Variants in EPC1 observed in about 807,000 individuals in gnomAD.
EPC1 encodes the protein enhancer of polycomb 1.
A neutral mutation model predicts 98.4 loss-of-function variants in EPC1; 12 were observed. That is an observed-to-expected ratio of 0.12 (90% CI 0.08 to 0.20). EPC1 has a LOEUF of 0.20. Among genes scored for constraint, EPC1 ranks in the 10% least tolerant of loss-of-function variants. The pLI is 1.00. For missense variants in EPC1, 729 were observed against 990.5 expected (o/e 0.74, Z 3.54); for synonymous variants, 357 against 363.9 (o/e 0.98, Z 0.21).
At chr10:32,348,127 C>T (rs1838976602), upstream of EPC1, among the ~76,000 whole-genome samples, 1 of 152,170 alleles carries the variant, frequency 6.6e-6, no homozygotes, top group African/African-American at 2.4e-5. Context: ...CTCTGAAAAA[C>T]TTTGTAACAT....
chr10:32,269,647 G>A (rs7095728), intron 13 of EPC1, among the ~76,000 whole-genome samples: 32,663 of 152,134 alleles, frequency 0.21, 3,893 homozygotes, highest in Middle Eastern at 0.28. Flanking sequence ...AAAAACAAAA[G>A]GACATGTGAT....
chr10:32,346,938 C>A lies in EPC1; in HGVS notation c.-23G>T. The A allele has an allele frequency of 6.2e-7, 1 of 1,610,898 alleles. No homozygotes were observed. The highest frequency in any genetic ancestry group is 8.5e-7 in the Non-Finnish European group (1 of 1,179,862). On this transcript the variant is annotated 5_prime_UTR_variant, in exon 1 of 14. Coordinates refer to ENST00000319778, the MANE Select transcript of EPC1 (RefSeq NM_001272004.3). ...CATCTCAGGCGCAGCAGATACCTCTCCGCTCTGGGGAAACGGCCCCGGCCA... is the reference window on the plus strand; with the variant it reads ...CATCTCAGGCGCAGCAGATACCTCTACGCTCTGGGGAAACGGCCCCGGCCA...
intron 1 of EPC1, among the ~76,000 whole-genome samples, chr10:32,338,859 G>A (rs2133016542): frequency 6.6e-6 from 1 of 151,446 alleles, no homozygotes; most frequent in Non-Finnish European, 1.5e-5. Context: ...GGAGCCTGGA[G>A]CCCAGGAGGC....
chr10:32,343,053 CCCA>C (rs1366724366), intron 1 of EPC1, among the ~76,000 whole-genome samples: 5 of 151,806 alleles, frequency 3.3e-5, no homozygotes, highest in Non-Finnish European at 7.4e-5. Context: ...GGACATATGC[CCCA>C]CACCAACCAA....
intron 1 of EPC1, among the ~76,000 whole-genome samples, chr10:32,334,463 A>C (rs970590215): frequency 1.8e-4 from 28 of 152,110 alleles, no homozygotes; most frequent in Non-Finnish European, 3.7e-4. Flanking sequence ...AGCTAAAAAA[A>C]AAAAAAAAAA....
At chr10:32,342,288 T>C (rs1352150635) in intron 1 of EPC1, among the ~76,000 whole-genome samples, 1 of 152,210 alleles carries the variant, frequency 6.6e-6, no homozygotes, top group African/African-American at 2.4e-5. Flanking sequence ...AAAATATTGG[T>C]TTAAAATATT....
intron 10 of EPC1, chr10:32,283,285 T>G (rs2132686666): frequency 6.6e-6 from 1 of 152,290 alleles, no homozygotes; most frequent in Non-Finnish European, 1.5e-5. Flanking sequence ...CACTTACACT[T>G]AATGATTAGT....
chr10:32,289,849 C>G (rs1456609028), intron 6 of EPC1, among the ~76,000 whole-genome samples: 1 of 152,046 alleles, frequency 6.6e-6, no homozygotes, highest in African/African-American at 2.4e-5. Flanking sequence ...TGGTCTCGAT[C>G]TCCTGACCTT....
At chr10:32,337,598 G>A (rs1838054244) in intron 1 of EPC1, among the ~76,000 whole-genome samples, 1 of 152,238 alleles carries the variant, frequency 6.6e-6, no homozygotes, top group African/African-American at 2.4e-5. Flanking sequence ...AGGCAGTGAA[G>A]TGGGTCAATC....
chr10:32,329,832 A>G (rs1837532259), intron 1 of EPC1, among the ~76,000 whole-genome samples: 1 of 152,212 alleles, frequency 6.6e-6, no homozygotes, highest in Non-Finnish European at 1.5e-5. Context: ...GGAAATTTAC[A>G]GCAGTAATTG....
intron 1 of EPC1, among the ~76,000 whole-genome samples, chr10:32,308,202 G>T (rs1050037993): frequency 1.3e-5 from 2 of 152,088 alleles, no homozygotes; most frequent in African/African-American, 4.8e-5. Flanking sequence ...CCAACATGGT[G>T]AAACCCCATC....
At position 32,304,652 on chromosome 10, in the gene EPC1, G is replaced by A. The variant is rs574524926; in HGVS notation, c.313+1120C>T. ...CCTCTTGATCAGGCCAGGCACAGTG[G>A]CTCATGCCTGTAATCCCAGCACTTT... is the stretch of plus-strand genomic sequence containing the variant. On this transcript the variant is annotated intron_variant, in intron 2 of 13. Transcript: ENST00000319778. 2.6e-5 allele frequency among the ~76,000 whole-genome samples: 4 copies of A among 152,146 alleles called. No homozygotes were observed. The South Asian group carries it at 6.2e-4, about 24-fold the overall frequency.
intron 10 of EPC1, among the ~76,000 whole-genome samples, chr10:32,279,638 T>C (rs563650140): frequency 1.1e-4 from 17 of 152,252 alleles, no homozygotes; most frequent in Middle Eastern, 3.4e-3. Context: ...GCTGGTGAAA[T>C]TTTACTGGAA....
At position 32,341,999 on chromosome 10, in the gene EPC1, T is replaced by C. The variant is rs75318274; in HGVS notation, c.153+4764A>G. On this transcript the variant is annotated intron_variant, in intron 1 of 13. Coordinates refer to ENST00000319778, the MANE Select transcript of EPC1 (RefSeq NM_001272004.3). ...TTCCAGAATTATTTCCACATAATCC[T>C]CAGAACCCTAGCTTAGCAACTTTAT... is the stretch of plus-strand genomic sequence containing the variant. Among the ~76,000 whole-genome samples, 490 of 152,354 alleles carry C rather than the reference T, an allele frequency of 3.2e-3. 1 individual carries two copies. The highest frequency in any genetic ancestry group is 0.011 in the African/African-American group (466 of 41,582).
At chr10:32,328,235 T>G (rs141369171) in intron 1 of EPC1, among the ~76,000 whole-genome samples, 390 of 152,280 alleles carry the variant, frequency 2.6e-3, no homozygotes, top group African/African-American at 8.6e-3. Flanking sequence ...CAATTAAAAT[T>G]GTGACACCCA....
chr10:32,346,875 G>C lies in EPC1; in HGVS notation c.41C>G (p.Ser14Trp). ...LSFRARALDA[S>W]KPLPVFRCED... ...ACAGCGGAAAACCGGCAGCGGCTTC[G>C]AGGCGTCTAGCGCCCGCGCCCGAAA... The change falls in exon 1 of 14, where the codon TCG becomes TGG. Residue 14 changes from serine (S) to tryptophan (W), a missense_variant. Coordinates refer to ENST00000319778, the MANE Select transcript of EPC1 (RefSeq NM_001272004.3). The C allele has an allele frequency of 1.2e-6, 2 of 1,614,120 alleles. No individual in the cohort carries two copies. Among genetic ancestry groups the C allele is most frequent in the Non-Finnish European group, 1.7e-6 (2 of 1,180,016 alleles).
chr10:32,269,658 A>G (rs1835746081), intron 13 of EPC1, among the ~76,000 whole-genome samples: 1 of 152,256 alleles, frequency 6.6e-6, no homozygotes, highest in Non-Finnish European at 1.5e-5. Context: ...GACATGTGAT[A>G]TGAAAATTCT....
At chr10:32,341,274 G>A (rs1481170309) in intron 1 of EPC1, among the ~76,000 whole-genome samples, 1 of 152,062 alleles carries the variant, frequency 6.6e-6, no homozygotes. Context: ...TACATAAAAA[G>A]GACTCTTGCC....
At chr10:32,291,089 T>C in intron 6 of EPC1, 74 bp downstream of exon 6, 1 of 1,429,120 alleles carries the variant, frequency 7.0e-7, no homozygotes, top group Non-Finnish European at 9.7e-7. Flanking sequence ...TGTGTGTTTT[T>C]CTTTTTAACT....
Sources: allele counts gnomAD v4.1 joint callset (sites outside exome capture counted in the v4.1 genomes callset), GRCh38; gene constraint gnomAD v4.1.1; transcripts MANE v1.5; gene names NCBI Gene and HGNC (gene_info 2026-07-23, HGNC 2026-07-21).